Variants in TRPC6 observed in about 807,000 individuals in gnomAD.
TRPC6 encodes short transient receptor potential channel 6.
Under a neutral mutation model 90.7 loss-of-function variants are expected in TRPC6, and 55 were observed. The observed-to-expected ratio is 0.61, with a 90% CI of 0.49 to 0.76. The LOEUF (loss-of-function observed/expected upper bound fraction) is 0.76. TRPC6 is among the 30% of genes least tolerant of loss of function. The pLI, the probability that TRPC6 is intolerant of heterozygous loss-of-function variation, is 0.00. For missense variants in TRPC6, 989 were observed against 1,122.7 expected (o/e 0.88, Z 1.70); for synonymous variants, 393 against 393.0 (o/e 1.00, Z 0.00).
chr11:101,583,256 G>A, intron 1 of TRPC6, 78 bp downstream of exon 1: 1 of 1,506,310 alleles, frequency 6.6e-7, no homozygotes, highest in Non-Finnish European at 8.9e-7. Context: ...CGCGCGGACG[G>A]ACTCGGCCAC....
chr11:101,556,622 A>C (rs1028220312), intron 1 of TRPC6, among the ~76,000 whole-genome samples: 1 of 152,206 alleles, frequency 6.6e-6, no homozygotes, highest in Non-Finnish European at 1.5e-5. Context: ...ATTCTACCAG[A>C]CATTTAAAGA....
At chr11:101,492,399 C>G (rs561708453) in intron 2 of TRPC6, among the ~76,000 whole-genome samples, 2 of 152,194 alleles carry the variant, frequency 1.3e-5, no homozygotes, top group African/African-American at 4.8e-5. Context: ...GCCTGAGCAA[C>G]ATGGCAAAAC....
intron 5 of TRPC6, among the ~76,000 whole-genome samples, chr11:101,478,150 A>C (rs118110839): frequency 0.03 from 4,525 of 152,284 alleles, 87 homozygotes; most frequent in Non-Finnish European, 0.047. Context: ...CCCTGTGGGG[A>C]TTAAGGAAAT....
intron 1 of TRPC6, among the ~76,000 whole-genome samples, chr11:101,567,079 G>T (rs1195976678): frequency 7.0e-6 from 1 of 141,872 alleles, no homozygotes; most frequent in African/African-American, 2.5e-5. Context: ...GGTGGGGGGG[G>T]TCCAACCCCC....
intron 4 of TRPC6, among the ~76,000 whole-genome samples, chr11:101,488,373 G>A (rs1317210434): frequency 6.6e-6 from 1 of 152,140 alleles, no homozygotes; most frequent in Admixed American, 6.5e-5. Context: ...GTCAGGTTCT[G>A]GTGTACTTAG....
At chr11:101,567,856 TTCCAAAGG>T (rs1237944672) in intron 1 of TRPC6, among the ~76,000 whole-genome samples, 1 of 152,140 alleles carries the variant, frequency 6.6e-6, no homozygotes, top group African/African-American at 2.4e-5. Context: ...CACAGACCCC[TTCCAAAGG>T]TCATGGACTT....
intron 1 of TRPC6, among the ~76,000 whole-genome samples, chr11:101,556,804 C>T (rs964966412): frequency 6.6e-6 from 1 of 152,026 alleles, no homozygotes; most frequent in Non-Finnish European, 1.5e-5. Context: ...CAAAAATCTT[C>T]AACAAAATAT....
At chr11:101,517,021 T>C (rs1230473080) in intron 1 of TRPC6, among the ~76,000 whole-genome samples, 1 of 152,222 alleles carries the variant, frequency 6.6e-6, no homozygotes, top group Non-Finnish European at 1.5e-5. Context: ...AACACTGAAC[T>C]ACGCTGAAAG....
At chr11:101,481,460 C>T (rs17673079) in intron 5 of TRPC6, among the ~76,000 whole-genome samples, 13,263 of 151,716 alleles carry the variant, frequency 0.087, 726 homozygotes, top group Non-Finnish European at 0.12. Flanking sequence ...GACATTTCCA[C>T]CTTGAAATTC....
At chr11:101,548,250 C>CATATATATATATATATATAT (rs1491446189) in intron 1 of TRPC6, among the ~76,000 whole-genome samples, 14 of 56,152 alleles carry the variant, frequency 2.5e-4, no homozygotes, top group African/African-American at 1.2e-3. Flanking sequence ...AGAACTAGAT[C>CATATATATATATATATATAT]ATATATATAT....
chr11:101,500,483 C>T (rs1860091900), intron 2 of TRPC6, among the ~76,000 whole-genome samples: 1 of 152,022 alleles, frequency 6.6e-6, no homozygotes, highest in Non-Finnish European at 1.5e-5. Context: ...GCAGGGATTC[C>T]AGGTGTGAGC....
chr11:101,568,389 G>C (rs1861882359), intron 1 of TRPC6, among the ~76,000 whole-genome samples: 1 of 152,160 alleles, frequency 6.6e-6, no homozygotes, highest in East Asian at 1.9e-4. Context: ...ATGTTTGATT[G>C]GTGTACCTGA....
At chr11:101,454,975 A>G in intron 11 of TRPC6, 43 bp downstream of exon 11, 1 of 1,497,946 alleles carries the variant, frequency 6.7e-7, no homozygotes, top group Non-Finnish European at 9.3e-7. Context: ...GAACCTAAAT[A>G]TTACAAGTAA....
intron 1 of TRPC6, among the ~76,000 whole-genome samples, chr11:101,568,506 C>A (rs1861885071): frequency 6.6e-6 from 1 of 152,122 alleles, no homozygotes; most frequent in Admixed American, 6.5e-5. Flanking sequence ...TCAGGAAATA[C>A]AGAGAATACC....
chr11:101,511,911 T>A (rs1860402477), intron 1 of TRPC6, among the ~76,000 whole-genome samples: 1 of 151,988 alleles, frequency 6.6e-6, no homozygotes, highest in African/African-American at 2.4e-5. Flanking sequence ...GAGAATAGCT[T>A]GAATCCAGGA....
At chr11:101,474,518 G>C (rs1859368476) in intron 6 of TRPC6, among the ~76,000 whole-genome samples, 3 of 152,132 alleles carry the variant, frequency 2.0e-5, no homozygotes, top group African/African-American at 7.2e-5. Flanking sequence ...GTGGAATTAG[G>C]AGAGGATAAC....
intron 5 of TRPC6, among the ~76,000 whole-genome samples, chr11:101,477,840 T>C (rs189741516): frequency 6.6e-6 from 1 of 152,346 alleles, no homozygotes. Context: ...TATTTAAAAT[T>C]TTCCATGATT....
chr11:101,493,925 G>A (rs560642494), intron 2 of TRPC6, among the ~76,000 whole-genome samples: 3 of 152,256 alleles, frequency 2.0e-5, no homozygotes, highest in Non-Finnish European at 2.9e-5. Flanking sequence ...TATCATTGCA[G>A]TTTAGTAACT....
chr11:101,466,715 G>C (rs1384667677), intron 10 of TRPC6, among the ~76,000 whole-genome samples: 2 of 152,114 alleles, frequency 1.3e-5, no homozygotes, highest in African/African-American at 2.4e-5. Context: ...GGGAGTGAAT[G>C]GTTCTGTCTC....
Sources: allele counts gnomAD v4.1 joint callset (sites outside exome capture counted in the v4.1 genomes callset), GRCh38; gene constraint gnomAD v4.1.1; transcripts MANE v1.5; gene names NCBI Gene and HGNC (gene_info 2026-07-23, HGNC 2026-07-21).